Variants in NTM observed in about 807,000 individuals in gnomAD.
The protein encoded by NTM is IgLON family member 2.
Under a neutral mutation model 42.1 loss-of-function variants are expected in NTM, and 13 were observed. That is an observed-to-expected ratio of 0.31 (90% CI 0.20 to 0.49). The LOEUF (loss-of-function observed/expected upper bound fraction) is 0.49, where lower values mean the gene tolerates loss of function less well. Ranked by LOEUF, NTM falls within the 20% of genes least tolerant of loss-of-function variation. The probability of loss-of-function intolerance (pLI) is 0.99; values close to 1 mark genes in which losing one functional copy is unlikely to be tolerated. For missense variants in NTM, 373 were observed against 452.8 expected (o/e 0.82, Z 1.60); for synonymous variants, 187 against 179.2 (o/e 1.04, Z -0.35).
rs544652783 is a variant in NTM, at chr11:131,945,246, A to G, written c.167+33598A>G. ...CCTTAGCATCTCCTGTCTCACGCAC[A>G]CACACATAGCAAGAGGTCTGCTGTA... On this transcript the variant is annotated intron_variant, in intron 2 of 8. Transcript: ENST00000683400. Among the ~76,000 whole-genome samples, 7 of 152,330 alleles carry G rather than the reference A, an allele frequency of 4.6e-5. No individual in the cohort carries two copies. The East Asian group carries it at 1.2e-3, about 25-fold the overall frequency.
chr11:131,624,820 G>C (rs984353346), intron 1 of NTM, among the ~76,000 whole-genome samples: 73 of 152,172 alleles, frequency 4.8e-4, no homozygotes, highest in African/African-American at 1.7e-3. Context: ...CTTTCCTGGA[G>C]TATGTCTCAC....
At chr11:131,824,586 CATTT>C (rs1644511764) in intron 1 of NTM, among the ~76,000 whole-genome samples, 1 of 152,142 alleles carries the variant, frequency 6.6e-6, no homozygotes, top group Admixed American at 6.5e-5. Context: ...AGCATTCATT[CATTT>C]ATTTATTCAC....
intron 1 of NTM, among the ~76,000 whole-genome samples, chr11:131,508,221 G>A (rs112509402): frequency 0.044 from 5,776 of 131,690 alleles, 220 homozygotes; most frequent in African/African-American, 0.12. Flanking sequence ...AAAAGTGGGC[G>A]AAGGACATGA....
At chr11:131,754,403 T>A (rs1015662829) in intron 1 of NTM, among the ~76,000 whole-genome samples, 2 of 152,172 alleles carry the variant, frequency 1.3e-5, no homozygotes, top group African/African-American at 2.4e-5. Context: ...GGCAGGCAGA[T>A]CACTTGAGGT....
chr11:131,887,378 C>T (rs567451636), intron 1 of NTM, among the ~76,000 whole-genome samples: 1 of 152,304 alleles, frequency 6.6e-6, no homozygotes, highest in East Asian at 1.9e-4. Context: ...TGATTTCTAA[C>T]ACAATGAAAC....
intron 1 of NTM, among the ~76,000 whole-genome samples, chr11:131,747,134 G>C (rs2081923455): frequency 6.6e-6 from 1 of 152,134 alleles, no homozygotes; most frequent in South Asian, 2.1e-4. Context: ...ATACTAATAT[G>C]CTAGAGGGAA....
At chr11:131,775,099 C>T (rs140416559) in intron 1 of NTM, among the ~76,000 whole-genome samples, 2 of 152,294 alleles carry the variant, frequency 1.3e-5, no homozygotes, top group Non-Finnish European at 2.9e-5. Flanking sequence ...AATAATTCAG[C>T]ACAGGGCTCC....
chr11:131,973,552 G>A (rs951853785), intron 2 of NTM, among the ~76,000 whole-genome samples: 1 of 152,210 alleles, frequency 6.6e-6, no homozygotes, highest in Non-Finnish European at 1.5e-5. Flanking sequence ...AGGCGCTGTG[G>A]CTCATGCCGA....
chr11:131,667,383 C>G (rs545274000), intron 1 of NTM, among the ~76,000 whole-genome samples: 1 of 152,288 alleles, frequency 6.6e-6, no homozygotes, highest in African/African-American at 2.4e-5. Flanking sequence ...ACCGAAGACC[C>G]TTCCTTGGGA....
Position 131,776,786 on chromosome 11 carries a change from G to GTTCC in NTM, c.83-134774_83-134771dup, listed in dbSNP as rs1271936546. The stretch of plus-strand genomic sequence containing the variant: ...GCCACATGGTGTCACAGGGATCCAG[G>GTTCC]TTCCTTCTGTCCTGTGACTCCACTA... On this transcript the variant is annotated intron_variant, in intron 1 of 8. Transcript: ENST00000683400. 9.9e-5 allele frequency among the ~76,000 whole-genome samples: 15 copies of GTTCC among 152,274 alleles called. No homozygotes were observed. In the East Asian group the frequency reaches 2.5e-3, roughly 25 times the overall value.
At chr11:131,605,750 G>A (rs535020795) in intron 1 of NTM, 1 of 977,218 alleles carries the variant, frequency 1.0e-6, no homozygotes, top group Non-Finnish European at 1.2e-6. Context: ...ATCATTTAAA[G>A]TTTGAAAAAA....
At chr11:131,928,288 T>A (rs1163363404) in intron 2 of NTM, among the ~76,000 whole-genome samples, 1 of 152,208 alleles carries the variant, frequency 6.6e-6, no homozygotes, top group Non-Finnish European at 1.5e-5. Flanking sequence ...AATAATTACA[T>A]TAAGACAAGA....
At position 131,627,218 on chromosome 11, in the gene NTM, T is replaced by TA. The variant is rs1270419599; in HGVS notation, c.82+256331dup. 4.7e-5 allele frequency among the ~76,000 whole-genome samples: 7 copies of TA among 149,036 alleles called. No homozygotes were observed. The East Asian group carries it at 5.8e-4, about 12-fold the overall frequency. ...GTGCATGAATAAAGCAGGCGGCTTTTATTTATTTATTTTTTTTGTGGGTTT... is the reference window on the plus strand; with the variant it reads ...GTGCATGAATAAAGCAGGCGGCTTTTAATTTATTTATTTTTTTTGTGGGTTT... On this transcript the variant is annotated intron_variant, in intron 1 of 8. Transcript: ENST00000683400.
At chr11:131,522,835 G>T (rs2049938224) in intron 1 of NTM, among the ~76,000 whole-genome samples, 1 of 152,180 alleles carries the variant, frequency 6.6e-6, no homozygotes, top group South Asian at 2.1e-4. Flanking sequence ...GCTGCTGCAC[G>T]TTAAAATCAC....
intron 1 of NTM, among the ~76,000 whole-genome samples, chr11:131,632,969 C>G (rs1315843077): frequency 2.0e-5 from 3 of 152,090 alleles, no homozygotes; most frequent in African/African-American, 7.2e-5. Flanking sequence ...CACCGCGCCA[C>G]TCGGGCAGCT....
At chr11:131,744,874 C>T (rs377486261) in intron 1 of NTM, among the ~76,000 whole-genome samples, 1 of 152,154 alleles carries the variant, frequency 6.6e-6, no homozygotes, top group Non-Finnish European at 1.5e-5. Flanking sequence ...GTGCAGCGTT[C>T]GTATCACATC....
At chr11:132,049,336 G>C (rs2078507724) in intron 2 of NTM, among the ~76,000 whole-genome samples, 1 of 152,186 alleles carries the variant, frequency 6.6e-6, no homozygotes, top group African/African-American at 2.4e-5. Flanking sequence ...CTAGGAGAAA[G>C]GCAAGGGCAC....
At chr11:131,857,359 T>C (rs932971000) in intron 1 of NTM, among the ~76,000 whole-genome samples, 12 of 152,320 alleles carry the variant, frequency 7.9e-5, no homozygotes, top group South Asian at 4.1e-4. Flanking sequence ...TCTCACATCA[T>C]GTCTTGGCCT....
intron 2 of NTM, among the ~76,000 whole-genome samples, chr11:132,015,486 ATGG>A (rs2073228398): frequency 6.6e-6 from 1 of 151,718 alleles, no homozygotes; most frequent in African/African-American, 2.4e-5. Context: ...TTTGGGTAGT[ATGG>A]TGGTTTTAAC....
Sources: gnomAD v4.1 joint callset for allele counts (sites outside exome capture counted in the v4.1 genomes callset) on GRCh38, gnomAD v4.1.1 for gene constraint, MANE v1.5 for transcripts, NCBI Gene and HGNC (gene_info 2026-07-23, HGNC 2026-07-21) for gene names.